Variants in MAGI2 observed in about 807,000 individuals in gnomAD.
MAGI2 encodes membrane-associated guanylate kinase, WW and PDZ domain-containing protein 2.
MAGI2 carries 35 observed loss-of-function variants against 133.3 expected under a neutral mutation model. The ratio of observed to expected loss-of-function variants is 0.26; its 90% confidence interval spans 0.20 to 0.35. The LOEUF is 0.35. MAGI2 is among the 10% of genes least tolerant of loss of function. The pLI, the probability that MAGI2 is intolerant of heterozygous loss-of-function variation, is 1.00. For synonymous variants in MAGI2, 729 were observed against 710.6 expected (o/e 1.03, Z -0.41); for missense variants, 1,636 against 1,863.4 (o/e 0.88, Z 2.25).
chr7:79,443,114 A>G (rs1848598809), intron 1 of MAGI2, among the ~76,000 whole-genome samples: 1 of 152,060 alleles, frequency 6.6e-6, no homozygotes, highest in South Asian at 2.1e-4. Context: ...TCTAGTAAAA[A>G]TACAAAAATT....
At chr7:78,835,882 G>C (rs1791578962) in intron 2 of MAGI2, among the ~76,000 whole-genome samples, 1 of 152,176 alleles carries the variant, frequency 6.6e-6, no homozygotes. Context: ...CTTTCTTAGA[G>C]ACAGTTATGT....
intron 1 of MAGI2, among the ~76,000 whole-genome samples, chr7:79,432,158 C>T (rs28469849): frequency 0.022 from 3,383 of 152,238 alleles, 131 homozygotes; most frequent in African/African-American, 0.077. Context: ...CAAAAACCAT[C>T]ACTCTCATCA....
rs183783905 is a variant in MAGI2 at position 78,713,303 on chromosome 7, C to T, written c.419-86064G>A. ...CATTTTAATAAGCATTTCTTGTGTACTTATGTACTAGGCCCTATGCTTGGC... is the reference window on the plus strand; with the variant it reads ...CATTTTAATAAGCATTTCTTGTGTATTTATGTACTAGGCCCTATGCTTGGC... On this transcript the variant is annotated intron_variant, in intron 2 of 21. Coordinates refer to ENST00000354212, the MANE Select transcript of MAGI2 (RefSeq NM_012301.4). 1.6e-4 allele frequency among the ~76,000 whole-genome samples: 24 copies of T among 152,166 alleles called. 2 individuals carry two copies. Among genetic ancestry groups the T allele is most frequent in the African/African-American group, 5.8e-4 (24 of 41,520 alleles).
intron 16 of MAGI2, among the ~76,000 whole-genome samples, chr7:78,143,494 G>A (rs1237995563): frequency 1.3e-5 from 2 of 151,854 alleles, no homozygotes; most frequent in African/African-American, 4.8e-5. Flanking sequence ...AATACTAGAT[G>A]GTTCTATTAT....
intron 1 of MAGI2, among the ~76,000 whole-genome samples, chr7:79,397,597 T>C (rs962537549): frequency 3.3e-5 from 5 of 152,174 alleles, no homozygotes; most frequent in Non-Finnish European, 7.4e-5. Flanking sequence ...GGTCTCCCCA[T>C]ACTCTAACCA....
chr7:79,308,920 C>T (rs907669003), intron 1 of MAGI2, among the ~76,000 whole-genome samples: 1 of 151,952 alleles, frequency 6.6e-6, no homozygotes, highest in African/African-American at 2.4e-5. Context: ...TACTAATAAC[C>T]TCAAAATTAA....
At chr7:78,333,801 G>T (rs1789479256) in intron 9 of MAGI2, among the ~76,000 whole-genome samples, 1 of 152,198 alleles carries the variant, frequency 6.6e-6, no homozygotes, top group Non-Finnish European at 1.5e-5. Context: ...GACTGCAGCT[G>T]GGTGATGAGT....
intron 6 of MAGI2, among the ~76,000 whole-genome samples, chr7:78,388,460 T>C (rs1216813804): frequency 6.6e-6 from 1 of 152,222 alleles, no homozygotes; most frequent in East Asian, 1.9e-4. Flanking sequence ...AAAGGCTTTC[T>C]GGAACTACCT....
At chr7:78,688,983 T>C (rs766408733) in intron 2 of MAGI2, among the ~76,000 whole-genome samples, 2 of 152,208 alleles carry the variant, frequency 1.3e-5, no homozygotes, top group Non-Finnish European at 2.9e-5. Context: ...TTTTCAGTAC[T>C]CTCTTTCTTT....
chr7:79,159,450 G>A (rs1184989750), intron 1 of MAGI2, among the ~76,000 whole-genome samples: 1 of 149,978 alleles, frequency 6.7e-6, no homozygotes, highest in Non-Finnish European at 1.5e-5. Flanking sequence ...CCAGGAGACA[G>A]AGGTTGCGGG....
At chr7:79,055,549 A>C (rs1371713911) in intron 1 of MAGI2, among the ~76,000 whole-genome samples, 2 of 151,816 alleles carry the variant, frequency 1.3e-5, no homozygotes, top group African/African-American at 2.4e-5. Flanking sequence ...TGGTCTATAG[A>C]ACACACTTTT....
At chr7:78,402,776 A>G (rs1797006705) in intron 6 of MAGI2, among the ~76,000 whole-genome samples, 1 of 152,196 alleles carries the variant, frequency 6.6e-6, no homozygotes, top group Non-Finnish European at 1.5e-5. Flanking sequence ...TCATGTATTA[A>G]TAATTGTTAA....
intron 2 of MAGI2, among the ~76,000 whole-genome samples, chr7:78,806,002 A>G (rs189455823): frequency 2.8e-4 from 43 of 151,898 alleles, no homozygotes; most frequent in Non-Finnish European, 1.3e-4. Flanking sequence ...AAATTGTCAG[A>G]AAAAAAAGGT....
At chr7:78,799,790 T>C (rs1414300339) in intron 2 of MAGI2, among the ~76,000 whole-genome samples, 1 of 152,200 alleles carries the variant, frequency 6.6e-6, no homozygotes, top group Non-Finnish European at 1.5e-5. Flanking sequence ...TCTGCCTTTC[T>C]TACCTGAGTA....
At position 79,105,387 on chromosome 7, in the gene MAGI2, G is replaced by T. The variant is rs1818361519; in HGVS notation, c.302-98181C>A. 2.6e-5 allele frequency among the ~76,000 whole-genome samples: 4 copies of T among 152,120 alleles called. No homozygotes were observed. In the South Asian group the frequency reaches 8.3e-4, roughly 31 times the overall value. ...AACAGATAGAAAAGGTCTTAACTGA[G>T]ATCGCTACTGAGCAGGAAAAGCATC... On this transcript the variant is annotated intron_variant, in intron 1 of 21. Coordinates refer to ENST00000354212, the MANE Select transcript of MAGI2 (RefSeq NM_012301.4).
At chr7:78,219,956 T>C (rs981238477) in intron 10 of MAGI2, among the ~76,000 whole-genome samples, 1 of 152,232 alleles carries the variant, frequency 6.6e-6, no homozygotes, top group African/African-American at 2.4e-5. Flanking sequence ...TAGAGGAATC[T>C]TTGTAAGGCA....
rs1394882542 is a variant in MAGI2 at position 78,555,158 on chromosome 7, AAATAAATAAATAAATG to A, written c.539-33529_539-33514del. 5.1e-3 allele frequency among the ~76,000 whole-genome samples: 571 copies of A among 110,902 alleles called. 5 individuals are homozygous for A. Among genetic ancestry groups the A allele is most frequent in the African/African-American group, 0.015 (529 of 35,826 alleles). 72.8% of individuals were successfully genotyped at this position (110,902 alleles called of 152,430 possible). A position where few individuals can be genotyped will look rare whatever the true frequency, so the allele number is the denominator to read the frequency against. On this transcript the variant is annotated intron_variant, in intron 3 of 21. Coordinates refer to ENST00000354212, the MANE Select transcript of MAGI2 (RefSeq NM_012301.4). ...GAAATAAATAAATAAATAAATAAAT[AAATAAATAAATAAATG>A]AATGATAGAGGACGGTTGGATGGAT...
At chr7:79,243,396 G>T (rs190388657) in intron 1 of MAGI2, among the ~76,000 whole-genome samples, 18 of 152,254 alleles carry the variant, frequency 1.2e-4, no homozygotes, top group African/African-American at 4.3e-4. Flanking sequence ...TACGCTTTCA[G>T]AAGCACTTGA....
intron 2 of MAGI2, among the ~76,000 whole-genome samples, chr7:78,918,433 A>G (rs1029893063): frequency 6.6e-6 from 1 of 152,316 alleles, no homozygotes; most frequent in East Asian, 1.9e-4. Context: ...TGACATCCAC[A>G]ACACAAATAA....
Sources: allele counts gnomAD v4.1 joint callset (sites outside exome capture counted in the v4.1 genomes callset), GRCh38; gene constraint gnomAD v4.1.1; transcripts MANE v1.5; gene names NCBI Gene and HGNC (gene_info 2026-07-23, HGNC 2026-07-21).